DMD: variants seen among roughly 807,000 people sequenced by gnomAD.
DMD encodes dystrophin, also known as mutant dystrophin.
DMD carries 63 observed loss-of-function variants against 330.1 expected under a neutral mutation model. The observed-to-expected ratio is 0.19, with a 90% CI of 0.16 to 0.24. The LOEUF is 0.24. Among genes scored for constraint, DMD ranks in the 10% least tolerant of loss-of-function variants. The pLI is 1.00. For synonymous variants in DMD, 1,223 were observed against 959.8 expected, an observed-to-expected ratio of 1.27 and a Z score of -5.07; for missense variants, 3,344 against 2,684.1, an observed-to-expected ratio of 1.25 and a Z score of -5.43.
At chrX:31,166,018 T>C (rs937701799) in intron 74 of DMD, among the ~76,000 whole-genome samples, 2 of 111,518 alleles carry the variant, frequency 1.8e-5, no homozygotes, top group Non-Finnish European at 3.8e-5. Context: ...TCAAGGCAGT[T>C]TGAAAAAGGG....
chrX:32,014,176 G>A (rs2150424471), intron 44 of DMD, among the ~76,000 whole-genome samples: 1 of 112,148 alleles, frequency 8.9e-6, no homozygotes, highest in East Asian at 2.8e-4. Flanking sequence ...GTTAGTGTAT[G>A]TAACATGAAT....
At chrX:32,777,500 G>A (rs68084494) in intron 7 of DMD, among the ~76,000 whole-genome samples, 15,667 of 110,027 alleles carry the variant, frequency 0.14, 1,297 homozygotes, top group African/African-American at 0.3. Flanking sequence ...CATTCTTACT[G>A]TTATTATTTC....
Position 31,137,175 on chromosome X carries a change from C to T in DMD, c.10922-2981G>A, listed in dbSNP as rs1029814910. Among the ~76,000 whole-genome samples the T allele has an allele frequency of 4.5e-5, 5 of 111,082 alleles. No homozygotes were observed. In the East Asian group the frequency reaches 8.5e-4, roughly 19 times the overall value. On this transcript the variant is annotated intron_variant, in intron 76 of 78. Transcript: ENST00000357033. ...CTGGGACTACAGGCGCGTGCCACCA[C>T]GCCTGGCTAATTTTTTATATTTTTT...
chrX:32,625,651 G>A (rs1463730201), intron 11 of DMD, among the ~76,000 whole-genome samples: 1 of 112,044 alleles, frequency 8.9e-6, no homozygotes, highest in Admixed American at 9.4e-5. Context: ...GCCTGTATTT[G>A]ATGGTCCTAA....
chrX:31,167,525 C>G (rs2039547521), intron 74 of DMD, among the ~76,000 whole-genome samples: 1 of 111,530 alleles, frequency 9.0e-6, no homozygotes, highest in East Asian at 2.8e-4. Context: ...ATATTTACTC[C>G]TTGGTAACAT....
intron 7 of DMD, among the ~76,000 whole-genome samples, chrX:32,711,778 C>A (rs1189321531): frequency 9.0e-6 from 1 of 111,630 alleles, no homozygotes; most frequent in African/African-American, 3.3e-5. Flanking sequence ...ATCCATTCAG[C>A]CATTCTTTTA....
chrX:32,039,479 A>ACTT (rs1035556324), intron 44 of DMD, among the ~76,000 whole-genome samples: 3 of 111,538 alleles, frequency 2.7e-5, no homozygotes, highest in African/African-American at 9.8e-5. Flanking sequence ...ACTAAGATGA[A>ACTT]CTTATCCATA....
chrX:32,805,086 C>T (rs2076855444), intron 7 of DMD, among the ~76,000 whole-genome samples: 1 of 111,563 alleles, frequency 9.0e-6, no homozygotes, highest in African/African-American at 3.3e-5. Context: ...CCTCACCAAA[C>T]AAGAGAACAA....
At chrX:32,925,218 A>G (rs903215880) in intron 2 of DMD, among the ~76,000 whole-genome samples, 1 of 92,474 alleles carries the variant, frequency 1.1e-5, no homozygotes, top group Non-Finnish European at 2.0e-5. Context: ...ATTTTGGCCT[A>G]CCATACAAAG....
At chrX:33,000,061 T>C (rs1472757973) in intron 2 of DMD, among the ~76,000 whole-genome samples, 1 of 112,415 alleles carries the variant, frequency 8.9e-6, no homozygotes, top group African/African-American at 3.2e-5. Flanking sequence ...TGTAACGAAT[T>C]CCATATCAGT....
rs764011098 is a variant in DMD, at chrX:32,405,734, G to A, written c.4233+6018C>T. Among the ~76,000 whole-genome samples the A allele has an allele frequency of 2.0e-3, 226 of 111,424 alleles. 1 individual carries two copies. The highest frequency in any genetic ancestry group is 7.3e-3 in the African/African-American group (223 of 30,672). ...GGCTTAGGATTGACTTGGCGATGCA[G>A]GCTCCTTTATGGTTCCATATGAACT... On this transcript the variant is annotated intron_variant, in intron 30 of 78. Transcript: ENST00000357033.
chrX:32,576,723 TGAGGGAGGGAGG>T lies in DMD; in HGVS notation c.1603-2889_1603-2878del, dbSNP rs202042367. On this transcript the variant is annotated intron_variant, in intron 13 of 78. Transcript: ENST00000357033. ...AAGCCAAGGAGAGCAAAACCATGGA[TGAGGGAGGGAGG>T]GAGGGAGGGAGGGAGGGATTGCTGT... Among the ~76,000 whole-genome samples the T allele has an allele frequency of 3.0e-4, 19 of 62,412 alleles. 2 individuals carry two copies. Among genetic ancestry groups the T allele is most frequent in the Admixed American group, 5.1e-4 (2 of 3,952 alleles). 54.2% of individuals were successfully genotyped at this position (62,412 alleles called of 115,157 possible). A position where few individuals can be genotyped will look rare whatever the true frequency, so the allele number is the denominator to read the frequency against.
chrX:32,856,563 A>G (rs1216254037), intron 2 of DMD, among the ~76,000 whole-genome samples: 1 of 112,253 alleles, frequency 8.9e-6, no homozygotes, highest in Admixed American at 9.5e-5. Context: ...GCCAGGCACA[A>G]AAACAAACTT....
intron 1 of DMD, among the ~76,000 whole-genome samples, chrX:33,246,500 T>G (rs2052664720): frequency 9.0e-6 from 1 of 111,650 alleles, no homozygotes; most frequent in Non-Finnish European, 1.9e-5. Flanking sequence ...TGGCCCTTAC[T>G]GTTTACCCTA....
intron 44 of DMD, chrX:32,206,250 G>A: frequency 1.9e-6 from 1 of 519,734 alleles, no homozygotes; most frequent in Non-Finnish European, 3.5e-6. Flanking sequence ...TGGGGAGGAA[G>A]ATACAGAGTC....
chrX:32,639,091 T>A (rs1569362098), intron 11 of DMD, among the ~76,000 whole-genome samples: 1 of 111,925 alleles, frequency 8.9e-6, no homozygotes, highest in Non-Finnish European at 1.9e-5. Flanking sequence ...TTTTTTCCCT[T>A]ACCGTCACAG....
chrX:32,414,977 T>C (rs1305256285), intron 29 of DMD, among the ~76,000 whole-genome samples: 2 of 111,821 alleles, frequency 1.8e-5, no homozygotes, highest in East Asian at 5.6e-4. Context: ...AGAGCCTCTA[T>C]TGCAGAGGAG....
At chrX:32,441,459 T>C (rs984462704) in intron 27 of DMD, 145 bp from the exon 28 acceptor site, 1 of 530,003 alleles carries the variant, frequency 1.9e-6, no homozygotes, top group Non-Finnish European at 3.0e-6. Context: ...AAAATGCAGC[T>C]AGACAGTTTC....
At chrX:31,529,130 G>A (rs777080387) in intron 55 of DMD, among the ~76,000 whole-genome samples, 139 of 110,740 alleles carry the variant, frequency 1.3e-3, no homozygotes, top group Middle Eastern at 4.6e-3. Context: ...GCTGAGGCAG[G>A]AGAATCGCTT....
Sources: gnomAD v4.1 joint callset for allele counts (sites outside exome capture counted in the v4.1 genomes callset) on GRCh38, gnomAD v4.1.1 for gene constraint, MANE v1.5 for transcripts, NCBI Gene and HGNC (gene_info 2026-07-23, HGNC 2026-07-21) for gene names.